Variants in EIF2B3 observed in about 807,000 individuals in gnomAD.
EIF2B3 encodes translation initiation factor eIF2B subunit gamma.
EIF2B3 carries 20 observed loss-of-function variants against 54.1 expected under a neutral mutation model. The ratio of observed to expected loss-of-function variants is 0.37; its 90% confidence interval spans 0.26 to 0.54. EIF2B3 has a LOEUF of 0.54. Ranked by LOEUF, EIF2B3 falls within the 20% of genes least tolerant of loss-of-function variation. The probability of loss-of-function intolerance (pLI) is 0.86; values close to 1 mark genes in which losing one functional copy is unlikely to be tolerated. For missense variants in EIF2B3, 448 were observed against 547.8 expected (o/e 0.82, Z 1.82); for synonymous variants, 153 against 188.1 (o/e 0.81, Z 1.52).
chr1:44,890,754 T>G (rs1397924730), intron 6 of EIF2B3, among the ~76,000 whole-genome samples: 1 of 152,178 alleles, frequency 6.6e-6, no homozygotes, highest in Non-Finnish European at 1.5e-5. Flanking sequence ...CCCTAATAAA[T>G]CATCCAAAAC....
chr1:44,956,858 T>G (rs531608304), intron 3 of EIF2B3, among the ~76,000 whole-genome samples: 3 of 152,222 alleles, frequency 2.0e-5, no homozygotes, highest in African/African-American at 4.8e-5. Flanking sequence ...ACTATACAAG[T>G]ACTAGAAGGA....
chr1:44,853,144 G>T (rs1654327583), intron 11 of EIF2B3, among the ~76,000 whole-genome samples: 1 of 152,102 alleles, frequency 6.6e-6, no homozygotes, highest in African/African-American at 2.4e-5. Context: ...GCGGTGAAAG[G>T]TAAGAAGAGC....
chr1:44,964,881 G>C (rs933390081), intron 3 of EIF2B3, among the ~76,000 whole-genome samples: 5 of 152,186 alleles, frequency 3.3e-5, no homozygotes, highest in Non-Finnish European at 7.3e-5. Flanking sequence ...GATTTAGTCT[G>C]CTTGAAGCCT....
chr1:44,865,303 G>A (rs1654734980), intron 10 of EIF2B3, among the ~76,000 whole-genome samples: 2 of 151,234 alleles, frequency 1.3e-5, no homozygotes, highest in South Asian at 4.2e-4. Flanking sequence ...TGCATGCCTT[G>A]GTATTTTGAA....
At chr1:44,919,446 G>A (rs1178343964) in intron 5 of EIF2B3, among the ~76,000 whole-genome samples, 2 of 151,708 alleles carry the variant, frequency 1.3e-5, no homozygotes, top group African/African-American at 4.8e-5. Context: ...GTGAATAATT[G>A]TCTTATTTCT....
chr1:44,947,156 G>A (rs1267264510), intron 3 of EIF2B3, among the ~76,000 whole-genome samples: 3 of 152,266 alleles, frequency 2.0e-5, no homozygotes, highest in African/African-American at 7.2e-5. Flanking sequence ...CTCATCCCAA[G>A]CCTGCTCCTC....
At chr1:44,875,137 G>C (rs1312468448) in intron 9 of EIF2B3, among the ~76,000 whole-genome samples, 4 of 151,896 alleles carry the variant, frequency 2.6e-5, no homozygotes, top group Non-Finnish European at 2.9e-5. Flanking sequence ...AGTTAGAAGG[G>C]GGACAGATTG....
At position 44,851,872 on chromosome 1, in the gene EIF2B3, C is replaced by T. The variant is rs139708130; in HGVS notation, c.1307-869G>A. On this transcript the variant is annotated intron_variant, in intron 11 of 11. Coordinates refer to ENST00000360403, the MANE Select transcript of EIF2B3 (RefSeq NM_020365.5). ...CTATAAAGGTCAAACCCATAAGGCCCTCCATGACATCTTTGCCTACCTCTC... is the reference window on the plus strand; with the variant it reads ...CTATAAAGGTCAAACCCATAAGGCCTTCCATGACATCTTTGCCTACCTCTC... Among the ~76,000 whole-genome samples the T allele has an allele frequency of 6.0e-4, 92 of 152,238 alleles. No homozygotes were observed. The East Asian group carries it at 0.014, about 23-fold the overall frequency.
chr1:44,946,624 CTTCT>C (rs1273162155), intron 3 of EIF2B3, among the ~76,000 whole-genome samples: 3 of 127,546 alleles, frequency 2.4e-5, no homozygotes, highest in Non-Finnish European at 5.3e-5. Context: ...TCTTCTTCTT[CTTCT>C]TTTTTTTTTT....
At chr1:44,966,362 C>CA (rs1223269675) in intron 3 of EIF2B3, among the ~76,000 whole-genome samples, 1 of 149,606 alleles carries the variant, frequency 6.7e-6, no homozygotes, top group East Asian at 2.0e-4. Context: ...TGGCGTGAAC[C>CA]TGGGGGGCGG....
At chr1:44,863,711 G>A (rs1026058066) in intron 10 of EIF2B3, among the ~76,000 whole-genome samples, 2 of 152,052 alleles carry the variant, frequency 1.3e-5, no homozygotes, top group African/African-American at 4.8e-5. Flanking sequence ...TTGGACTGTG[G>A]TGTTTCTTGT....
At chr1:44,908,709 A>G (rs1400725141) in intron 5 of EIF2B3, among the ~76,000 whole-genome samples, 1 of 152,220 alleles carries the variant, frequency 6.6e-6, no homozygotes, top group Non-Finnish European at 1.5e-5. Context: ...ATAAAGAGAT[A>G]GTGGAAAGCA....
At chr1:44,984,609 T>C (rs1454900108) in intron 1 of EIF2B3, among the ~76,000 whole-genome samples, 2 of 152,112 alleles carry the variant, frequency 1.3e-5, no homozygotes, top group African/African-American at 4.8e-5. Flanking sequence ...ACCATAGAGC[T>C]AGAATGCCTA....
At chr1:44,921,770 T>C (rs1643741926) in intron 5 of EIF2B3, among the ~76,000 whole-genome samples, 1 of 152,148 alleles carries the variant, frequency 6.6e-6, no homozygotes, top group Admixed American at 6.5e-5. Flanking sequence ...GTCAGTACCA[T>C]GCTGTTTTGG....
At chr1:44,861,853 TC>T (rs1654616985) in intron 10 of EIF2B3, among the ~76,000 whole-genome samples, 1 of 152,216 alleles carries the variant, frequency 6.6e-6, no homozygotes, top group African/African-American at 2.4e-5. Flanking sequence ...GAAGCTCTTT[TC>T]TGACCATTTG....
chr1:44,912,771 T>C (rs1482508947), intron 5 of EIF2B3, among the ~76,000 whole-genome samples: 2 of 152,212 alleles, frequency 1.3e-5, no homozygotes, highest in African/African-American at 2.4e-5. Flanking sequence ...TCCCTTGCTA[T>C]TGTTTGTTAA....
chr1:44,854,127 C>G (rs1302531613), intron 11 of EIF2B3, among the ~76,000 whole-genome samples: 2 of 151,870 alleles, frequency 1.3e-5, no homozygotes, highest in African/African-American at 4.8e-5. Context: ...CTCAGCCTCC[C>G]AAGTAGCTGG....
intron 3 of EIF2B3, among the ~76,000 whole-genome samples, chr1:44,968,433 T>A (rs538679370): frequency 1.3e-5 from 2 of 148,660 alleles, no homozygotes; most frequent in African/African-American, 4.9e-5. Context: ...CTAAAAAACA[T>A]GATTCAGAAC....
intron 2 of EIF2B3, among the ~76,000 whole-genome samples, chr1:44,979,773 GGAC>G: frequency 6.6e-6 from 1 of 152,208 alleles, no homozygotes. Flanking sequence ...AGACCAGCCT[GGAC>G]AACATGGCGA....
Sources: gnomAD v4.1 joint callset for allele counts (sites outside exome capture counted in the v4.1 genomes callset) on GRCh38, gnomAD v4.1.1 for gene constraint, MANE v1.5 for transcripts, NCBI Gene and HGNC (gene_info 2026-07-23, HGNC 2026-07-21) for gene names.